Variants in NBAS observed in about 807,000 individuals in gnomAD.
NBAS encodes the protein NAG/BC035112 fusion.
NBAS carries 219 observed loss-of-function variants against 302.5 expected under a neutral mutation model. The ratio of observed to expected loss-of-function variants is 0.72; its 90% CI spans 0.65 to 0.81. The LOEUF is 0.81. NBAS is among the 30% of genes least tolerant of loss of function. The pLI is 0.00. For synonymous variants in NBAS, 1,118 were observed against 1,021.6 expected (o/e 1.09, Z -1.80); for missense variants, 2,932 against 2,841.6 (o/e 1.03, Z -0.72).
intron 38 of NBAS, among the ~76,000 whole-genome samples, chr2:15,312,360 A>G (rs972119411): frequency 6.6e-6 from 1 of 152,158 alleles, no homozygotes; most frequent in Non-Finnish European, 1.5e-5. Flanking sequence ...CTGTAGCCTC[A>G]AAATCTGGGC....
At chr2:15,333,217 T>C (rs946999083) in intron 35 of NBAS, among the ~76,000 whole-genome samples, 5 of 152,014 alleles carry the variant, frequency 3.3e-5, no homozygotes, top group African/African-American at 1.2e-4. Context: ...CTGGTGAAAA[T>C]GATTTCAGGA....
chr2:14,866,845 T>C, the NBAS span, among the ~76,000 whole-genome samples: 2 of 152,192 alleles, frequency 1.3e-5, no homozygotes, highest in Non-Finnish European at 2.9e-5. Flanking sequence ...ACAGATTATC[T>C]GAAATGGGCC....
chr2:14,976,117 A>G, the NBAS span, among the ~76,000 whole-genome samples: 4 of 152,264 alleles, frequency 2.6e-5, no homozygotes, highest in Non-Finnish European at 4.4e-5. Context: ...GGGCAGATGT[A>G]GAGCTAAGAA....
intron 21 of NBAS, among the ~76,000 whole-genome samples, chr2:15,436,809 A>C (rs982059239): frequency 6.6e-6 from 1 of 152,150 alleles, no homozygotes; most frequent in African/African-American, 2.4e-5. Context: ...TTGCTCCTTC[A>C]CTAGACTATG....
At chr2:15,254,585 T>A (rs941779332) in intron 44 of NBAS, among the ~76,000 whole-genome samples, 1 of 152,182 alleles carries the variant, frequency 6.6e-6, no homozygotes, top group Admixed American at 6.5e-5. Context: ...GGGGAACAGG[T>A]GGCGTTTGCA....
At chr2:15,285,007 C>T (rs1669975632) in intron 42 of NBAS, among the ~76,000 whole-genome samples, 1 of 152,094 alleles carries the variant, frequency 6.6e-6, no homozygotes, top group South Asian at 2.1e-4. Context: ...CCTGTTTGTA[C>T]AGATACAACA....
chr2:15,373,052 C>A (rs1310577113), intron 31 of NBAS, among the ~76,000 whole-genome samples: 1 of 152,160 alleles, frequency 6.6e-6, no homozygotes. Context: ...GCTCTGGATT[C>A]TTCCTTGACT....
At position 15,539,179 on chromosome 2, in the gene NBAS, T is replaced by C. The variant is rs371520695; in HGVS notation, c.513+44A>G. On this transcript the variant is annotated intron_variant, in intron 7 of 51. Transcript: ENST00000281513. Reference sequence around the variant, plus strand: ...TTTTATTCAAGTACCTATACATACATGACATTGAAAAAACTATGTTTTCAA... The same window carrying C: ...TTTTATTCAAGTACCTATACATACACGACATTGAAAAAACTATGTTTTCAA... 1.1e-5 allele frequency: 18 copies of C among 1,612,000 alleles called. No individual in the cohort carries two copies. In the African/African-American group the frequency reaches 1.7e-4, roughly 16 times the overall value.
the NBAS span, among the ~76,000 whole-genome samples, chr2:15,122,124 C>G: frequency 0.97 from 146,982 of 151,542 alleles, 71,314 homozygotes; most frequent in East Asian, 0.99. Flanking sequence ...ATGGAGGACT[C>G]CGTTAGCCTG....
At chr2:15,513,976 G>A (rs962489992) in intron 9 of NBAS, among the ~76,000 whole-genome samples, 2 of 152,176 alleles carry the variant, frequency 1.3e-5, no homozygotes, top group African/African-American at 2.4e-5. Context: ...GACAGAATGA[G>A]TGAGAACCTG....
Position 15,536,559 on chromosome 2 carries a change from A to G in NBAS, c.514-8T>C, listed in dbSNP as rs1380131511. On this transcript the variant is annotated splice_region_variant and splice_polypyrimidine_tract_variant and intron_variant, in intron 7 of 51. Transcript: ENST00000281513. The stretch of plus-strand genomic sequence containing the variant: ...ACCTATAAAACTAGATGCCTACAGA[A>G]GAGGGGGAAATTAAGTTACTAAAAA... 1.3e-6 allele frequency: 2 copies of G among 1,597,778 alleles called. No individual in the cohort carries two copies. Among genetic ancestry groups the G allele is most frequent in the Admixed American group, 1.7e-5 (1 of 58,052 alleles).
chr2:15,011,800 A>T, the NBAS span, among the ~76,000 whole-genome samples: 1 of 152,216 alleles, frequency 6.6e-6, no homozygotes, highest in Non-Finnish European at 1.5e-5. Flanking sequence ...ACTCACAAAC[A>T]TCACTAGCAT....
the NBAS span, among the ~76,000 whole-genome samples, chr2:14,787,680 C>A: frequency 3.9e-5 from 6 of 152,168 alleles, no homozygotes; most frequent in Non-Finnish European, 8.8e-5. Context: ...AGAGTTTCTG[C>A]CAAGAGATCC....
intron 9 of NBAS, among the ~76,000 whole-genome samples, chr2:15,516,088 C>T (rs773370319): frequency 5.3e-5 from 8 of 152,040 alleles, no homozygotes; most frequent in African/African-American, 7.2e-5. Context: ...AAGGAAACAT[C>T]GAGAAGAAAA....
At chr2:15,311,237 G>A (rs1050857335) in intron 38 of NBAS, among the ~76,000 whole-genome samples, 1 of 152,228 alleles carries the variant, frequency 6.6e-6, no homozygotes, top group African/African-American at 2.4e-5. Flanking sequence ...GTAGCCTCAT[G>A]TCAGTTTAGT....
the NBAS span, among the ~76,000 whole-genome samples, chr2:15,082,222 C>T: frequency 1.3e-5 from 2 of 152,166 alleles, no homozygotes; most frequent in African/African-American, 4.8e-5. Flanking sequence ...CCACGTTACA[C>T]AGCTCCTTAC....
intron 48 of NBAS, among the ~76,000 whole-genome samples, chr2:15,193,588 T>G (rs1665466155): frequency 1.3e-5 from 2 of 152,128 alleles, no homozygotes; most frequent in African/African-American, 4.8e-5. Context: ...CCTTTAAGAT[T>G]TTTTGCAATA....
intron 21 of NBAS, among the ~76,000 whole-genome samples, chr2:15,455,498 AG>A (rs1192165742): frequency 1.1e-4 from 16 of 152,144 alleles, no homozygotes; most frequent in African/African-American, 3.9e-4. Context: ...TACATATTCC[AG>A]TAAGAAGTTT....
chr2:14,843,429 C>CA, the NBAS span, among the ~76,000 whole-genome samples: 10 of 151,514 alleles, frequency 6.6e-5, no homozygotes, highest in African/African-American at 1.5e-4. Context: ...AAGACCCCAC[C>CA]AAAAAAAATG....
Sources: gnomAD v4.1 joint callset for allele counts (sites outside exome capture counted in the v4.1 genomes callset) on GRCh38, gnomAD v4.1.1 for gene constraint, MANE v1.5 for transcripts, NCBI Gene and HGNC (gene_info 2026-07-23, HGNC 2026-07-21) for gene names.